KCNIP4: variants seen among roughly 807,000 people sequenced by gnomAD.
KCNIP4 encodes Kv channel-interacting protein 4.
In KCNIP4, 12 loss-of-function variants were observed where a neutral mutation model predicts 34.0. The observed-to-expected ratio is 0.35, with a 90% confidence interval of 0.23 to 0.57. KCNIP4 has a LOEUF of 0.57. Among genes scored for constraint, KCNIP4 ranks in the 20% least tolerant of loss-of-function variants. The probability of loss-of-function intolerance (pLI) is 0.83; values close to 1 mark genes in which losing one functional copy is unlikely to be tolerated. For missense variants in KCNIP4, 238 were observed against 311.7 expected (o/e 0.76, Z 1.78); for synonymous variants, 124 against 102.2 (o/e 1.21, Z -1.29).
intron 1 of KCNIP4, among the ~76,000 whole-genome samples, chr4:21,087,976 A>G (rs916448469): frequency 2.0e-5 from 3 of 152,116 alleles, no homozygotes; most frequent in African/African-American, 7.2e-5. Flanking sequence ...TTCCAATTCT[A>G]TGGCTTCATT....
chr4:21,762,981 T>C, intron 1 of KCNIP4: 3 of 1,288,890 alleles, frequency 2.3e-6, no homozygotes, highest in Non-Finnish European at 3.0e-6. Flanking sequence ...TGGGTGTAAG[T>C]CTTCTTGTCA....
At chr4:21,734,209 T>C (rs991096136) in intron 1 of KCNIP4, among the ~76,000 whole-genome samples, 6 of 152,188 alleles carry the variant, frequency 3.9e-5, no homozygotes, top group African/African-American at 1.2e-4. Context: ...AATCTAGCAA[T>C]ACCAAGTGTC....
At chr4:21,406,851 A>G (rs1724036752) in intron 1 of KCNIP4, among the ~76,000 whole-genome samples, 1 of 152,176 alleles carries the variant, frequency 6.6e-6, no homozygotes, top group Non-Finnish European at 1.5e-5. Flanking sequence ...TTATTTTGGA[A>G]AACTCATATC....
At position 20,790,724 on chromosome 4, in the gene KCNIP4, A is replaced by G. The variant is rs552620448; in HGVS notation, c.289-31834T>C. Among the ~76,000 whole-genome samples, 196 of 152,302 alleles carry G rather than the reference A, an allele frequency of 1.3e-3. 4 individuals are homozygous for G. In the South Asian group the frequency reaches 0.039, roughly 30 times the overall value. On this transcript the variant is annotated intron_variant, in intron 3 of 8. Coordinates refer to ENST00000382152, the MANE Select transcript of KCNIP4 (RefSeq NM_025221.6). ...AATAACTTATTCAAAAGAAGTTGACAAAGCCATAAGAAAACTGATTTAGCT... is the reference window on the plus strand; with the variant it reads ...AATAACTTATTCAAAAGAAGTTGACGAAGCCATAAGAAAACTGATTTAGCT...
At chr4:21,865,925 T>C (rs1725386843) in intron 1 of KCNIP4, among the ~76,000 whole-genome samples, 2 of 125,834 alleles carry the variant, frequency 1.6e-5, no homozygotes, top group South Asian at 3.3e-4. Flanking sequence ...ATATATGGTG[T>C]CTCATATATA....
chr4:21,259,229 A>G (rs1052064266), intron 1 of KCNIP4, among the ~76,000 whole-genome samples: 2 of 152,180 alleles, frequency 1.3e-5, no homozygotes, highest in Non-Finnish European at 2.9e-5. Context: ...CTCCTACCTC[A>G]TTAAAACAAT....
intron 1 of KCNIP4, among the ~76,000 whole-genome samples, chr4:21,238,738 C>T (rs1302887265): frequency 6.6e-6 from 1 of 152,108 alleles, no homozygotes; most frequent in African/African-American, 2.4e-5. Flanking sequence ...AGGATACAAA[C>T]AAATGGAAGA....
intron 3 of KCNIP4, among the ~76,000 whole-genome samples, chr4:20,794,776 A>T (rs1713237323): frequency 6.6e-6 from 1 of 152,230 alleles, no homozygotes; most frequent in Non-Finnish European, 1.5e-5. Context: ...ATAGGCATAT[A>T]AGTGTGGCTT....
intron 1 of KCNIP4, among the ~76,000 whole-genome samples, chr4:21,825,580 G>C (rs1722631675): frequency 6.6e-6 from 1 of 152,116 alleles, no homozygotes; most frequent in South Asian, 2.1e-4. Flanking sequence ...GTAATGACAT[G>C]AAGTATGTGA....
At chr4:21,383,867 A>G (rs1721763309) in intron 1 of KCNIP4, among the ~76,000 whole-genome samples, 1 of 152,164 alleles carries the variant, frequency 6.6e-6, no homozygotes, top group African/African-American at 2.4e-5. Flanking sequence ...AAGCAAATAC[A>G]TAGATAAATA....
At chr4:21,349,895 A>C (rs1421348984) in intron 1 of KCNIP4, among the ~76,000 whole-genome samples, 1 of 152,186 alleles carries the variant, frequency 6.6e-6, no homozygotes, top group Non-Finnish European at 1.5e-5. Flanking sequence ...AAAGAGCTAG[A>C]GCAGCAGTTC....
intron 1 of KCNIP4, among the ~76,000 whole-genome samples, chr4:21,036,675 G>A (rs1404268740): frequency 5.3e-5 from 8 of 152,128 alleles, no homozygotes; most frequent in African/African-American, 1.4e-4. Flanking sequence ...GCAGTGAGCC[G>A]AGATGGCACC....
chr4:21,751,361 G>T (rs924523452), intron 1 of KCNIP4, among the ~76,000 whole-genome samples: 2 of 152,084 alleles, frequency 1.3e-5, no homozygotes, highest in East Asian at 1.9e-4. Flanking sequence ...TGCATTAAAG[G>T]ATTATTATTA....
At chr4:20,868,807 G>A (rs1043168901) in intron 2 of KCNIP4, among the ~76,000 whole-genome samples, 4 of 152,078 alleles carry the variant, frequency 2.6e-5, no homozygotes, top group African/African-American at 9.7e-5. Context: ...AAATAAATAT[G>A]GGAACAGTAG....
At chr4:21,635,434 G>GT (rs1560580522) in intron 1 of KCNIP4, among the ~76,000 whole-genome samples, 1 of 152,078 alleles carries the variant, frequency 6.6e-6, no homozygotes, top group East Asian at 1.9e-4. Flanking sequence ...GGTTAATTGG[G>GT]TTTTTTGAAA....
chr4:20,738,541 C>G (rs1199248855), intron 5 of KCNIP4, among the ~76,000 whole-genome samples: 1 of 152,192 alleles, frequency 6.6e-6, no homozygotes, highest in Non-Finnish European at 1.5e-5. Flanking sequence ...GCCTACAGCA[C>G]TCATCACTGG....
At chr4:21,218,005 A>G (rs113385175) in intron 1 of KCNIP4, among the ~76,000 whole-genome samples, 1 of 142,184 alleles carries the variant, frequency 7.0e-6, no homozygotes, top group Non-Finnish European at 1.5e-5. Context: ...TTTTAAATTT[A>G]TTTATTTATT....
intron 1 of KCNIP4, among the ~76,000 whole-genome samples, chr4:21,869,369 C>A (rs570414117): frequency 2.0e-5 from 3 of 152,200 alleles, no homozygotes; most frequent in African/African-American, 7.2e-5. Flanking sequence ...GAGAATGACA[C>A]CTGAGGTAGA....
At chr4:21,567,235 C>G (rs1291221607) in intron 1 of KCNIP4, among the ~76,000 whole-genome samples, 1 of 151,542 alleles carries the variant, frequency 6.6e-6, no homozygotes, top group Non-Finnish European at 1.5e-5. Context: ...ATGTGTAGAT[C>G]TATATATTAT....
Sources: allele counts gnomAD v4.1 joint callset (sites outside exome capture counted in the v4.1 genomes callset), GRCh38; gene constraint gnomAD v4.1.1; transcripts MANE v1.5; gene names NCBI Gene and HGNC (gene_info 2026-07-23, HGNC 2026-07-21).